Variants in ITSN2 observed in about 807,000 individuals in gnomAD.
The protein encoded by ITSN2 is intersectin 2.
ITSN2 carries 156 observed loss-of-function variants against 243.7 expected under a neutral mutation model. That is an observed-to-expected ratio of 0.64 (90% confidence interval 0.56 to 0.73). The LOEUF (loss-of-function observed/expected upper bound fraction) is 0.73, where lower values mean the gene tolerates loss of function less well. Among genes scored for constraint, ITSN2 ranks in the 30% least tolerant of loss-of-function variants. The pLI, the probability that ITSN2 is intolerant of heterozygous loss-of-function variation, is 0.00. For missense variants in ITSN2, 1,801 were observed against 1,996.1 expected (o/e 0.90, Z 1.86); for synonymous variants, 703 against 699.9 (o/e 1.00, Z -0.07).
chr2:24,290,651 G>C lies in ITSN2; in HGVS notation c.1723+3037C>G, dbSNP rs192018677. The stretch of plus-strand genomic sequence containing the variant: ...TCTAGAATTTATTTCTGTACATAGA[G>C]AGCGGTAAAGAGCTCCTCTGCAACT... On this transcript the variant is annotated intron_variant, in intron 15 of 39. Transcript: ENST00000355123. Among the ~76,000 whole-genome samples the C allele has an allele frequency of 1.7e-3, 258 of 148,902 alleles. 1 individual carries two copies. The highest frequency in any genetic ancestry group is 6.5e-3 in the African/African-American group (250 of 38,352).
chr2:24,288,535 A>G (rs1415974012), intron 15 of ITSN2, among the ~76,000 whole-genome samples: 7 of 152,068 alleles, frequency 4.6e-5, no homozygotes, highest in Admixed American at 6.6e-5. Context: ...CTGTAAATCT[A>G]TGTCTTTTGT....
At chr2:24,223,675 C>T (rs1215580661) in intron 29 of ITSN2, among the ~76,000 whole-genome samples, 1 of 131,414 alleles carries the variant, frequency 7.6e-6, no homozygotes, top group Non-Finnish European at 1.6e-5. Context: ...AAGAGTGAGA[C>T]CCTGTTTCAA....
At chr2:24,221,935 G>A (rs1670483279) in intron 29 of ITSN2, among the ~76,000 whole-genome samples, 1 of 152,146 alleles carries the variant, frequency 6.6e-6, no homozygotes, top group East Asian at 1.9e-4. Flanking sequence ...AATACCTCAG[G>A]AAACCCTTCT....
intron 18 of ITSN2, among the ~76,000 whole-genome samples, chr2:24,274,763 A>T (rs1677812861): frequency 6.6e-6 from 1 of 152,194 alleles, no homozygotes; most frequent in Non-Finnish European, 1.5e-5. Context: ...GCCAAATGGT[A>T]ATGTGTCTTC....
intron 4 of ITSN2, among the ~76,000 whole-genome samples, chr2:24,312,807 CAG>C (rs1683415528): frequency 6.6e-6 from 1 of 151,924 alleles, no homozygotes; most frequent in African/African-American, 2.4e-5. Flanking sequence ...TTTAAAAAAA[CAG>C]ATATTATAGA....
At chr2:24,349,134 T>C (rs1452218549) in intron 1 of ITSN2, among the ~76,000 whole-genome samples, 2 of 151,976 alleles carry the variant, frequency 1.3e-5, no homozygotes, top group African/African-American at 2.4e-5. Flanking sequence ...TCATCATCAT[T>C]ATCATCATCA....
chr2:24,270,611 A>C (rs1677219138), intron 20 of ITSN2, 60 bp downstream of exon 20: 1 of 802,280 alleles, frequency 1.2e-6, no homozygotes, highest in Non-Finnish European at 2.1e-6. Flanking sequence ...TTACTACAGA[A>C]ACTAATATAT....
chr2:24,304,689 T>C (rs942813187), intron 8 of ITSN2, among the ~76,000 whole-genome samples: 1 of 152,156 alleles, frequency 6.6e-6, no homozygotes, highest in Non-Finnish European at 1.5e-5. Context: ...AAACTACTAT[T>C]TCAGCTTTTG....
rs984403031 is a variant in ITSN2 at position 24,209,807 on chromosome 2, G to A, written c.4473+11C>T. 2.5e-6 allele frequency: 4 copies of A among 1,607,324 alleles called. No homozygotes were observed. The highest frequency in any genetic ancestry group is 3.4e-6 in the Non-Finnish European group (4 of 1,173,804). Reference sequence around the variant, plus strand: ...GGCCCCTGATGCTACCCCCAGACGCGTGATACTCACCGTTTTATACATTTT... The same window carrying A: ...GGCCCCTGATGCTACCCCCAGACGCATGATACTCACCGTTTTATACATTTT... On this transcript the variant is annotated intron_variant, in intron 35 of 39. Transcript: ENST00000355123.
intron 29 of ITSN2, among the ~76,000 whole-genome samples, chr2:24,222,051 G>C (rs370699613): frequency 6.6e-6 from 1 of 152,118 alleles, no homozygotes; most frequent in African/African-American, 2.4e-5. Context: ...AGGAGATCGA[G>C]ACCATCCTGG....
intron 2 of ITSN2, 147 bp from the exon 3 acceptor site, chr2:24,315,371 AC>A (rs1196798821): frequency 1.0e-5 from 5 of 496,920 alleles, no homozygotes; most frequent in Non-Finnish European, 1.8e-5. Context: ...TCATAACCAT[AC>A]ATAGCACAGC....
intron 34 of ITSN2, 130 bp from the exon 35 acceptor site, chr2:24,210,163 C>T (rs1669325594): frequency 3.1e-6 from 2 of 648,746 alleles, no homozygotes; most frequent in East Asian, 5.3e-5. Context: ...TAGAATCATT[C>T]ACTTTGCATG....
At chr2:24,361,260 C>G (rs1688993015), upstream of ITSN2, among the ~76,000 whole-genome samples, 1 of 152,282 alleles carries the variant, frequency 6.6e-6, no homozygotes, top group South Asian at 2.1e-4. Context: ...AGGCGAAGCT[C>G]CTACTCAGAA....
At chr2:24,322,649 T>G (rs920647927) in intron 2 of ITSN2, among the ~76,000 whole-genome samples, 3 of 152,124 alleles carry the variant, frequency 2.0e-5, no homozygotes, top group Non-Finnish European at 4.4e-5. Context: ...GAAGAAAATG[T>G]TTGTGATTTT....
intron 31 of ITSN2, 60 bp downstream of exon 31, chr2:24,217,847 T>G: frequency 5.2e-6 from 6 of 1,147,078 alleles, no homozygotes; most frequent in African/African-American, 1.5e-5. Context: ...GGGTTTTGTG[T>G]GAGTCTCAGT....
At chr2:24,246,667 A>G in intron 28 of ITSN2, 130 bp downstream of exon 28, 1 of 632,252 alleles carries the variant, frequency 1.6e-6, no homozygotes, top group Non-Finnish European at 2.7e-6. Context: ...TCTCAGTGGC[A>G]TGTCCCTTTT....
intron 1 of ITSN2, among the ~76,000 whole-genome samples, chr2:24,346,940 C>T (rs1401661084): frequency 1.4e-5 from 2 of 147,926 alleles, no homozygotes; most frequent in Non-Finnish European, 3.0e-5. Context: ...TCTCGGCTCA[C>T]TGCGACCTCC....
intron 1 of ITSN2, among the ~76,000 whole-genome samples, chr2:24,339,614 G>A (rs916738451): frequency 1.3e-5 from 2 of 152,200 alleles, no homozygotes; most frequent in Non-Finnish European, 2.9e-5. Flanking sequence ...ACCAACTTCA[G>A]TGAGACTAGC....
intron 37 of ITSN2, among the ~76,000 whole-genome samples, chr2:24,207,166 AAAG>A (rs1668979154): frequency 6.6e-6 from 1 of 152,142 alleles, no homozygotes; most frequent in Non-Finnish European, 1.5e-5. Context: ...GCTCTGGAAA[AAAG>A]AATACTCCAG....
Sources: allele counts gnomAD v4.1 joint callset (sites outside exome capture counted in the v4.1 genomes callset), GRCh38; gene constraint gnomAD v4.1.1; transcripts MANE v1.5; gene names NCBI Gene and HGNC (gene_info 2026-07-23, HGNC 2026-07-21).